Variants in THSD4 observed in about 807,000 individuals in gnomAD.
THSD4 encodes thrombospondin type-1 domain-containing protein 4.
A neutral mutation model predicts 119.0 loss-of-function variants in THSD4; 69 were observed. The observed-to-expected ratio is 0.58, with a 90% CI of 0.48 to 0.71. The LOEUF (loss-of-function observed/expected upper bound fraction) is 0.71, where lower values mean the gene tolerates loss of function less well. Ranked by LOEUF, THSD4 falls within the 30% of genes least tolerant of loss-of-function variation. THSD4 has a pLI of 0.00. For missense variants in THSD4, 1,393 were observed against 1,391.1 expected, an observed-to-expected ratio of 1.00 and a Z score of -0.02; for synonymous variants, 524 against 540.4, an observed-to-expected ratio of 0.97 and a Z score of 0.42.
chr15:71,713,993 G>A (rs573305968), intron 8 of THSD4, among the ~76,000 whole-genome samples: 1 of 152,176 alleles, frequency 6.6e-6, no homozygotes, highest in Non-Finnish European at 1.5e-5. Context: ...CATAGAACAA[G>A]ACAAGCAGAT....
chr15:71,513,804 A>T (rs2048316035), intron 7 of THSD4, among the ~76,000 whole-genome samples: 1 of 152,250 alleles, frequency 6.6e-6, no homozygotes, highest in Admixed American at 6.5e-5. Context: ...AGGTAAATAG[A>T]TAAGTTGTGG....
intron 7 of THSD4, among the ~76,000 whole-genome samples, chr15:71,450,714 C>T (rs1277816022): frequency 6.6e-6 from 1 of 152,130 alleles, no homozygotes; most frequent in Non-Finnish European, 1.5e-5. Flanking sequence ...TGCCCCTCAC[C>T]CTTCTAGGTT....
chr15:71,279,263 G>T (rs192354178), intron 6 of THSD4, among the ~76,000 whole-genome samples: 1 of 152,094 alleles, frequency 6.6e-6, no homozygotes, highest in Admixed American at 6.5e-5. Flanking sequence ...TTAAGGTTAC[G>T]TAACAGCTCA....
intron 7 of THSD4, among the ~76,000 whole-genome samples, chr15:71,554,432 G>T (rs1415204871): frequency 6.6e-6 from 1 of 151,802 alleles, no homozygotes; most frequent in Non-Finnish European, 1.5e-5. Flanking sequence ...CTGTCACCCA[G>T]GCTGGAAGTG....
At chr15:71,151,250 C>T (rs1312774981) in intron 2 of THSD4, among the ~76,000 whole-genome samples, 2 of 152,142 alleles carry the variant, frequency 1.3e-5, no homozygotes, top group African/African-American at 2.4e-5. Flanking sequence ...TGCCCCAAGT[C>T]CCCCTGAATG....
At chr15:71,288,084 T>G (rs766538985) in intron 6 of THSD4, among the ~76,000 whole-genome samples, 24 of 152,196 alleles carry the variant, frequency 1.6e-4, no homozygotes, top group Non-Finnish European at 3.4e-4. Flanking sequence ...TTGCACCTGA[T>G]GAAACATGTA....
intron 7 of THSD4, among the ~76,000 whole-genome samples, chr15:71,535,640 T>G (rs1424909926): frequency 6.6e-6 from 1 of 152,230 alleles, no homozygotes; most frequent in Non-Finnish European, 1.5e-5. Context: ...TGTTATCACC[T>G]GTGTATTTGA....
At chr15:71,524,261 A>C (rs776653405) in intron 7 of THSD4, among the ~76,000 whole-genome samples, 44 of 152,238 alleles carry the variant, frequency 2.9e-4, no homozygotes, top group Non-Finnish European at 5.7e-4. Context: ...GACACCAGTA[A>C]CTGGCAGCTG....
intron 7 of THSD4, among the ~76,000 whole-genome samples, chr15:71,499,027 C>T (rs1567009846): frequency 6.6e-6 from 1 of 152,026 alleles, no homozygotes; most frequent in Non-Finnish European, 1.5e-5. Context: ...ACAAGGTCAT[C>T]TAATCCCCAA....
chr15:71,357,664 G>A (rs577689795), intron 6 of THSD4, among the ~76,000 whole-genome samples: 2 of 152,132 alleles, frequency 1.3e-5, no homozygotes, highest in East Asian at 1.9e-4. Flanking sequence ...TCCAGCAACC[G>A]GAGTCCTTTC....
intron 7 of THSD4, among the ~76,000 whole-genome samples, chr15:71,548,152 G>A (rs920979004): frequency 6.6e-6 from 1 of 150,828 alleles, no homozygotes; most frequent in African/African-American, 2.4e-5. Flanking sequence ...TTTGATGCAG[G>A]CAAAGAGATT....
intron 7 of THSD4, among the ~76,000 whole-genome samples, chr15:71,588,420 A>T (rs1191999007): frequency 2.7e-5 from 4 of 148,430 alleles, no homozygotes; most frequent in East Asian, 1.9e-4. Flanking sequence ...AATTTTTTTT[A>T]ATTTATTTAT....
At chr15:71,403,443 A>G (rs1437732774) in intron 6 of THSD4, among the ~76,000 whole-genome samples, 2 of 152,166 alleles carry the variant, frequency 1.3e-5, no homozygotes, top group Non-Finnish European at 2.9e-5. Flanking sequence ...GTTTCTATTC[A>G]GGGTGCTTGT....
At chr15:71,244,171 G>A (rs1192264223) in intron 5 of THSD4, among the ~76,000 whole-genome samples, 2 of 152,134 alleles carry the variant, frequency 1.3e-5, no homozygotes, top group Non-Finnish European at 2.9e-5. Context: ...GCAAAGAGAG[G>A]TAAAATAACT....
chr15:71,154,135 A>AATG (rs1157208486), intron 2 of THSD4, among the ~76,000 whole-genome samples: 1 of 152,176 alleles, frequency 6.6e-6, no homozygotes, highest in African/African-American at 2.4e-5. Flanking sequence ...GAGGCATGGA[A>AATG]ATGCTAACGT....
intron 8 of THSD4, among the ~76,000 whole-genome samples, chr15:71,726,222 C>T (rs1233167588): frequency 2.0e-5 from 3 of 152,194 alleles, no homozygotes; most frequent in African/African-American, 7.2e-5. Flanking sequence ...GCAGCTTTGC[C>T]CTCCCTGCAG....
intron 7 of THSD4, among the ~76,000 whole-genome samples, chr15:71,449,929 A>T (rs1295541843): frequency 6.6e-6 from 1 of 152,196 alleles, no homozygotes; most frequent in Non-Finnish European, 1.5e-5. Flanking sequence ...ACAAAAAACT[A>T]CTTAGGATTA....
chr15:71,106,378 A>G (rs1209550629), intron 1 of THSD4, among the ~76,000 whole-genome samples: 1 of 152,108 alleles, frequency 6.6e-6, no homozygotes, highest in Non-Finnish European at 1.5e-5. Context: ...CACCTTCAGT[A>G]CACAGATTGG....
chr15:71,551,345 TACAA>T (rs1304880800), intron 7 of THSD4, among the ~76,000 whole-genome samples: 2 of 152,144 alleles, frequency 1.3e-5, no homozygotes, highest in Non-Finnish European at 2.9e-5. Flanking sequence ...GGGCACAGAA[TACAA>T]ACAGTGAATG....
Sources: allele counts gnomAD v4.1 joint callset (sites outside exome capture counted in the v4.1 genomes callset), GRCh38; gene constraint gnomAD v4.1.1; transcripts MANE v1.5; gene names NCBI Gene and HGNC (gene_info 2026-07-23, HGNC 2026-07-21).